Variants in NTM observed in about 807,000 individuals in gnomAD.
NTM encodes neurotrimin.
In NTM, 13 loss-of-function variants were observed where a neutral mutation model predicts 42.1. The ratio of observed to expected loss-of-function variants is 0.31; its 90% CI spans 0.20 to 0.49. NTM has a LOEUF of 0.49. Among genes scored for constraint, NTM ranks in the 20% least tolerant of loss-of-function variants. NTM has a pLI of 0.99. For missense variants in NTM, 373 were observed against 452.8 expected, an observed-to-expected ratio of 0.82 and a Z score of 1.60; for synonymous variants, 187 against 179.2, an observed-to-expected ratio of 1.04 and a Z score of -0.35.
At chr11:132,323,458 C>T (rs1173075934) in intron 7 of NTM, among the ~76,000 whole-genome samples, 2 of 151,560 alleles carry the variant, frequency 1.3e-5, no homozygotes, top group Non-Finnish European at 2.9e-5. Context: ...CACATACACT[C>T]TCCCAAGACT....
At chr11:131,612,466 T>A (rs1329697135) in intron 1 of NTM, among the ~76,000 whole-genome samples, 1 of 152,244 alleles carries the variant, frequency 6.6e-6, no homozygotes, top group Admixed American at 6.5e-5. Flanking sequence ...GCTGCTGTGA[T>A]GCGTCACCAA....
intron 1 of NTM, among the ~76,000 whole-genome samples, chr11:131,507,830 G>A (rs1019977920): frequency 6.6e-6 from 1 of 150,992 alleles, no homozygotes; most frequent in Non-Finnish European, 1.5e-5. Context: ...TTGTGAATGG[G>A]AGTTCACTCA....
At chr11:131,968,773 G>A (rs901997379) in intron 2 of NTM, among the ~76,000 whole-genome samples, 7 of 151,978 alleles carry the variant, frequency 4.6e-5, no homozygotes, top group Admixed American at 6.6e-5. Flanking sequence ...ATCCTCCCCC[G>A]AAATGCATTT....
At chr11:131,827,198 A>G (rs999646779) in intron 1 of NTM, among the ~76,000 whole-genome samples, 4 of 152,218 alleles carry the variant, frequency 2.6e-5, no homozygotes. Context: ...CATAAAATGG[A>G]ATTACATATT....
At chr11:131,543,635 G>A (rs1260875571) in intron 1 of NTM, among the ~76,000 whole-genome samples, 1 of 152,214 alleles carries the variant, frequency 6.6e-6, no homozygotes, top group Non-Finnish European at 1.5e-5. Context: ...TCCCACATGA[G>A]CTGGGGAGAG....
intron 1 of NTM, among the ~76,000 whole-genome samples, chr11:131,764,868 AC>A (rs2084859878): frequency 6.6e-6 from 1 of 152,140 alleles, no homozygotes; most frequent in East Asian, 1.9e-4. Flanking sequence ...AAGAGAGCTA[AC>A]CTCTAACACA....
intron 1 of NTM, among the ~76,000 whole-genome samples, chr11:131,644,400 A>G (rs1409537047): frequency 6.6e-6 from 1 of 152,190 alleles, no homozygotes; most frequent in African/African-American, 2.4e-5. Flanking sequence ...GGGCTGCCCC[A>G]GGGAGTTTCC....
At chr11:131,878,514 G>T (rs1478643661) in intron 1 of NTM, among the ~76,000 whole-genome samples, 3 of 139,610 alleles carry the variant, frequency 2.1e-5, no homozygotes, top group Non-Finnish European at 4.5e-5. Context: ...AGGTTGCAGT[G>T]ACCCGAGATG....
intron 1 of NTM, among the ~76,000 whole-genome samples, chr11:131,591,449 C>G (rs754109759): frequency 6.6e-6 from 1 of 152,182 alleles, no homozygotes; most frequent in African/African-American, 2.4e-5. Flanking sequence ...GGGGGGCACA[C>G]CCTGGCTCCC....
rs71483661 is a variant in NTM, at chr11:131,382,262, C to T, written c.82+11374C>T. Among the ~76,000 whole-genome samples the T allele has an allele frequency of 3.3e-5, 5 of 152,090 alleles. No individual in the cohort carries two copies. The South Asian group carries it at 1.0e-3, about 32-fold the overall frequency. ...TCTTGACTGGGAGACTGGGATCCTT[C>T]CTGGAGGTGCAGGATCCCACTTACA... On this transcript the variant is annotated intron_variant, in intron 1 of 8. Transcript: ENST00000683400.
At chr11:132,077,959 C>T (rs1003623781) in intron 2 of NTM, among the ~76,000 whole-genome samples, 1 of 152,158 alleles carries the variant, frequency 6.6e-6, no homozygotes, top group Non-Finnish European at 1.5e-5. Context: ...AAGTTAAATC[C>T]TTATACCATT....
At chr11:131,593,896 T>C (rs2059597223) in intron 1 of NTM, among the ~76,000 whole-genome samples, 1 of 152,310 alleles carries the variant, frequency 6.6e-6, no homozygotes, top group African/African-American at 2.4e-5. Context: ...AAGGCCTGTA[T>C]TTCATTTTAT....
intron 1 of NTM, among the ~76,000 whole-genome samples, chr11:131,401,810 A>ATATATATATATATATATGTGTATG (rs1565465175): frequency 7.2e-5 from 1 of 13,956 alleles, no homozygotes; most frequent in African/African-American, 3.9e-4. Context: ...ATATATATAT[A>ATATATATATATATATATGTGTATG]TATATATATA....
intron 1 of NTM, chr11:131,534,620 T>G (rs1160473866): frequency 2.0e-5 from 3 of 152,214 alleles, no homozygotes. Context: ...CGCTTGTTCC[T>G]TTGCCCAGAT....
At chr11:131,924,711 C>T (rs12284223) in intron 2 of NTM, among the ~76,000 whole-genome samples, 44,647 of 152,116 alleles carry the variant, frequency 0.29, 6,925 homozygotes, top group Middle Eastern at 0.45. Flanking sequence ...AGGGCTCACA[C>T]CCCCACCCAC....
intron 1 of NTM, among the ~76,000 whole-genome samples, chr11:131,401,483 G>A (rs1293658905): frequency 1.3e-5 from 2 of 151,802 alleles, no homozygotes; most frequent in African/African-American, 2.4e-5. Context: ...GTTGTTATAA[G>A]CGTAAGTGCA....
intron 1 of NTM, among the ~76,000 whole-genome samples, chr11:131,903,082 G>T (rs2053389347): frequency 6.6e-6 from 1 of 151,944 alleles, no homozygotes; most frequent in Non-Finnish European, 1.5e-5. Flanking sequence ...AAGAAAAGGT[G>T]GGAAGAGGTA....
At chr11:131,695,818 T>C (rs1010225270) in intron 1 of NTM, among the ~76,000 whole-genome samples, 1 of 152,100 alleles carries the variant, frequency 6.6e-6, no homozygotes, top group Non-Finnish European at 1.5e-5. Context: ...AATATTCCAT[T>C]GAGGAAAGAG....
chr11:131,416,892 C>A (rs761495256), intron 1 of NTM, among the ~76,000 whole-genome samples: 1 of 152,142 alleles, frequency 6.6e-6, no homozygotes, highest in Non-Finnish European at 1.5e-5. Flanking sequence ...TCATTATATC[C>A]TTTTCTGATT....
Sources: allele counts gnomAD v4.1 joint callset (sites outside exome capture counted in the v4.1 genomes callset), GRCh38; gene constraint gnomAD v4.1.1; transcripts MANE v1.5; gene names NCBI Gene and HGNC (gene_info 2026-07-23, HGNC 2026-07-21).